Variants in CHD5 observed in about 807,000 individuals in gnomAD.
CHD5 encodes the protein chromodomain helicase DNA binding protein 5.
A neutral mutation model predicts 230.3 loss-of-function variants in CHD5; 69 were observed. That is an observed-to-expected ratio of 0.30 (90% CI 0.25 to 0.37). The LOEUF (loss-of-function observed/expected upper bound fraction) is 0.37. Among genes scored for constraint, CHD5 ranks in the 10% least tolerant of loss-of-function variants. The pLI is 1.00. For synonymous variants in CHD5, 1,064 were observed against 1,065.9 expected (o/e 1.00, Z 0.03); for missense variants, 1,827 against 2,622.8 (o/e 0.70, Z 6.63).
chr1:6,161,326 C>T (rs764830288), intron 2 of CHD5, among the ~76,000 whole-genome samples: 2 of 152,070 alleles, frequency 1.3e-5, no homozygotes, highest in Admixed American at 6.5e-5. Flanking sequence ...GAGGGGGAGA[C>T]GGTCACTGAC....
At chr1:6,112,053 T>A in intron 35 of CHD5, 87 bp downstream of exon 35, 12 of 1,486,664 alleles carry the variant, frequency 8.1e-6, no homozygotes, top group Non-Finnish European at 1.1e-5. Context: ...CCAGTCACAC[T>A]CTAGTATAAA....
intron 38 of CHD5, among the ~76,000 whole-genome samples, chr1:6,108,070 G>A (rs1666224387): frequency 4.3e-5 from 6 of 139,588 alleles, no homozygotes; most frequent in African/African-American, 1.3e-4. Context: ...GGGATGGAGG[G>A]ATGATGGAGA....
intron 6 of CHD5, 130 bp from the exon 7 acceptor site, chr1:6,151,285 G>T: frequency 1.9e-6 from 2 of 1,079,164 alleles, no homozygotes; most frequent in Non-Finnish European, 2.5e-6. Flanking sequence ...ATTCATCTCA[G>T]CCCCCAACAC....
chr1:6,141,646 G>A (rs1487554950), intron 15 of CHD5, among the ~76,000 whole-genome samples: 1 of 152,092 alleles, frequency 6.6e-6, no homozygotes, highest in Non-Finnish European at 1.5e-5. Context: ...AAGTAGCTAA[G>A]ATGAGATCAT....
rs1226121020 is a variant in CHD5 at position 6,105,142 on chromosome 1, G to A, written c.*332C>T. ...ACAAACGTGTTCAAGTCTTCAATAGGAAAGTGCAAAAGATGTACAAATAAA... is the reference window on the plus strand; with the variant it reads ...ACAAACGTGTTCAAGTCTTCAATAGAAAAGTGCAAAAGATGTACAAATAAA... On this transcript the variant is annotated 3_prime_UTR_variant, in exon 42 of 42. Transcript: ENST00000262450. This position sits in a 1 kb window ranked among gnomAD's most constrained non-coding sequence, Gnocchi z 4.8. 2.9e-6 allele frequency: 1 copy of A among 338,986 alleles called. No individual in the cohort carries two copies. Among genetic ancestry groups the A allele is most frequent in the Non-Finnish European group, 5.8e-6 (1 of 171,856 alleles). 21.0% of individuals were successfully genotyped at this position (338,986 alleles called of 1,614,324 possible).
chr1:6,121,636 G>A lies in CHD5; in HGVS notation c.4700-63C>T. ...CAGACGGGAAGGAGTAGGGCAGGGAGTGGGGTGGCAGAGAGGAGAGATGGG... is the reference window on the plus strand; with the variant it reads ...CAGACGGGAAGGAGTAGGGCAGGGAATGGGGTGGCAGAGAGGAGAGATGGG... On this transcript the variant is annotated intron_variant, in intron 31 of 41. Coordinates refer to ENST00000262450, the MANE Select transcript of CHD5 (RefSeq NM_015557.3). This position sits in a 1 kb window ranked among gnomAD's most constrained non-coding sequence, Gnocchi z 4.5. 1 of 1,261,586 alleles carries A rather than the reference G, an allele frequency of 7.9e-7. No homozygotes were observed. The allele number at this position is 1,261,586 out of a possible 1,614,324, so 78.1% of individuals were successfully genotyped here.
At chr1:6,163,775 C>T (rs1557561232) in intron 2 of CHD5, among the ~76,000 whole-genome samples, 3 of 152,172 alleles carry the variant, frequency 2.0e-5, no homozygotes, top group African/African-American at 4.8e-5. Context: ...ACTAAGCCCC[C>T]GAACCAACCC....
intron 33 of CHD5, among the ~76,000 whole-genome samples, chr1:6,120,599 C>T (rs574367303): frequency 1.5e-3 from 231 of 151,812 alleles, no homozygotes; most frequent in African/African-American, 5.4e-3. Flanking sequence ...GTCAAGAGAT[C>T]GAGACCAGCC....
chr1:6,137,104 C>T (rs1328157047), intron 15 of CHD5, among the ~76,000 whole-genome samples: 4 of 151,932 alleles, frequency 2.6e-5, no homozygotes, highest in African/African-American at 9.7e-5. Flanking sequence ...GAAACGGCCT[C>T]GGCTTGTAAC....
intron 1 of CHD5, 51 bp from the exon 2 acceptor site, chr1:6,168,328 A>T: frequency 6.5e-7 from 1 of 1,541,856 alleles, no homozygotes; most frequent in South Asian, 1.2e-5. Context: ...CCTCCAGGAG[A>T]GCCCTGGAGA....
rs773479513 is a variant in CHD5 at position 6,121,282 on chromosome 1, C to T, written c.4780-45G>A. 28 of 1,588,682 alleles carry T rather than the reference C, an allele frequency of 1.8e-5. No homozygotes were observed. The highest frequency in any genetic ancestry group is 2.3e-5 in the Non-Finnish European group (27 of 1,169,262). On this transcript the variant is annotated intron_variant, in intron 32 of 41. Coordinates refer to ENST00000262450, the MANE Select transcript of CHD5 (RefSeq NM_015557.3). The surrounding 1 kb of genome is among the most constrained non-coding windows in gnomAD (Gnocchi z 4.5). Reference sequence around the variant, plus strand: ...AGAACTACAAGGCCTGGGGCCTCACCAGGAACGGAGGGCGGGGAACGTGCG... The same window carrying T: ...AGAACTACAAGGCCTGGGGCCTCACTAGGAACGGAGGGCGGGGAACGTGCG...
At chr1:6,138,799 T>C (rs1666783341) in intron 15 of CHD5, among the ~76,000 whole-genome samples, 2 of 152,180 alleles carry the variant, frequency 1.3e-5, no homozygotes, top group Admixed American at 1.3e-4. Flanking sequence ...CACAAAGGGA[T>C]ATGTGCACAC....
At chr1:6,122,807 C>T (rs1038869708) in intron 31 of CHD5, among the ~76,000 whole-genome samples, 53 of 152,320 alleles carry the variant, frequency 3.5e-4, no homozygotes, top group African/African-American at 1.2e-3. Context: ...CGGTGGCTCA[C>T]GCCTATAATC....
Position 6,126,813 on chromosome 1 carries a change from C to T in CHD5, c.3904-67G>A. 4.0e-6 allele frequency: 6 copies of T among 1,489,720 alleles called. No individual in the cohort carries two copies. The South Asian group carries it at 6.2e-5, about 15-fold the overall frequency. The allele number at this position is 1,489,720 out of a possible 1,614,324, so 92.3% of individuals were successfully genotyped here. ...CTGCCCTCCCGGAAGCCTCAGGCTG[C>T]CTCCACCTGACCTGCCCTTTGCCCC... On this transcript the variant is annotated intron_variant, in intron 25 of 41. Transcript: ENST00000262450. This position sits in a 1 kb window ranked among gnomAD's most constrained non-coding sequence, Gnocchi z 5.7.
rs1160115611 is a variant in CHD5 at position 6,149,708 on chromosome 1, A to AGATG, written c.995-297_995-296insCATC. ...TGGATGGATAGATGAATGGATGGACAAATGGATGGATGGATGGATGATGAA... is the reference window on the plus strand; with the variant it reads ...TGGATGGATAGATGAATGGATGGACAGATGAATGGATGGATGGATGGATGATGAA... On this transcript the variant is annotated intron_variant, in intron 7 of 41. Coordinates refer to ENST00000262450, the MANE Select transcript of CHD5 (RefSeq NM_015557.3). 1.7e-4 allele frequency among the ~76,000 whole-genome samples: 20 copies of AGATG among 118,888 alleles called. No homozygotes were observed. The East Asian group carries it at 7.0e-3, about 42-fold the overall frequency. The allele number at this position is 118,888 out of a possible 152,430, so 78.0% of individuals were successfully genotyped here. A position where few individuals can be genotyped will look rare whatever the true frequency, so the allele number is the denominator to read the frequency against.
At chr1:6,120,839 G>A (rs1171767473) in intron 33 of CHD5, among the ~76,000 whole-genome samples, 2 of 152,052 alleles carry the variant, frequency 1.3e-5, no homozygotes, top group Non-Finnish European at 2.9e-5. Flanking sequence ...GGAGGCGGAT[G>A]TTGCAGTGAT....
intron 33 of CHD5, among the ~76,000 whole-genome samples, chr1:6,115,761 T>C (rs973946771): frequency 1.3e-5 from 2 of 152,204 alleles, no homozygotes; most frequent in Non-Finnish European, 2.9e-5. Context: ...GATACTTTGA[T>C]GTCCTGAACC....
chr1:6,115,212 G>T (rs1379312840), intron 33 of CHD5, among the ~76,000 whole-genome samples: 1 of 151,130 alleles, frequency 6.6e-6, no homozygotes, highest in Non-Finnish European at 1.5e-5. Flanking sequence ...TGTAGTCCCA[G>T]CTACTTGGGA....
chr1:6,115,334 A>T (rs550838247), intron 33 of CHD5, among the ~76,000 whole-genome samples: 50 of 152,300 alleles, frequency 3.3e-4, no homozygotes, highest in African/African-American at 1.1e-3. Context: ...ATGGGCTCCA[A>T]GACTTCCGGC....
Sources: gnomAD v4.1 joint callset for allele counts (sites outside exome capture counted in the v4.1 genomes callset) on GRCh38, gnomAD v4.1.1 for gene constraint, Gnocchi (gnomAD v3.1) non-coding constraint, MANE v1.5 for transcripts, NCBI Gene and HGNC (gene_info 2026-07-23, HGNC 2026-07-21) for gene names.